The following EFCAB11 variants were observed in gnomAD, a reference collection of about 807,000 sequenced individuals.
EFCAB11 encodes the protein EF-hand calcium-binding domain-containing protein 11.
In EFCAB11, 14 loss-of-function variants were observed where a neutral mutation model predicts 23.0. The ratio of observed to expected loss-of-function variants is 0.61; its 90% CI spans 0.40 to 0.95. The LOEUF (loss-of-function observed/expected upper bound fraction) is 0.95. EFCAB11 is among the 40% of genes least tolerant of loss of function. The probability of loss-of-function intolerance (pLI) is 0.00; values close to 1 mark genes in which losing one functional copy is unlikely to be tolerated. For synonymous variants in EFCAB11, 65 were observed against 66.6 expected (o/e 0.98, Z 0.11); for missense variants, 198 against 195.8 (o/e 1.01, Z -0.07).
At chr14:89,853,953 G>A (rs1243635037) in intron 5 of EFCAB11, among the ~76,000 whole-genome samples, 2 of 152,040 alleles carry the variant, frequency 1.3e-5, no homozygotes, top group African/African-American at 4.8e-5. Context: ...ATGAAAAAAT[G>A]GAAAGTTTAT....
In EFCAB11 at chr14:89,954,666, C is replaced by T. The variant is rs749012104; in HGVS notation, c.-6G>A. ...CTGGCCTCGGAGAAGAACATCGCGA[C>T]TACAACAACCGAGCCCCAGCAACCC... On this transcript the variant is annotated 5_prime_UTR_variant, in exon 1 of 6. Transcript: ENST00000316738. 1 of 1,610,324 alleles carries T rather than the reference C, an allele frequency of 6.2e-7. No individual in the cohort carries two copies. Among genetic ancestry groups the T allele is most frequent in the African/African-American group, 1.3e-5 (1 of 74,840 alleles).
intron 5 of EFCAB11, among the ~76,000 whole-genome samples, chr14:89,898,094 T>G (rs1889223061): frequency 1.3e-5 from 2 of 152,168 alleles, no homozygotes; most frequent in Non-Finnish European, 2.9e-5. Context: ...AATAACATTA[T>G]TATTCTATAA....
rs533415896 is a variant in EFCAB11 at position 89,868,345 on chromosome 14, T to C, written c.410+63196A>G. Among the ~76,000 whole-genome samples the C allele has an allele frequency of 2.4e-4, 36 of 152,360 alleles. No individual in the cohort carries two copies. The Middle Eastern group carries it at 0.01, about 43-fold the overall frequency. On this transcript the variant is annotated intron_variant, in intron 5 of 5. Coordinates refer to ENST00000316738, the MANE Select transcript of EFCAB11 (RefSeq NM_145231.4). ...TGGTTTGCACTTCAAATTATGTATA[T>C]TTAAACCACTATTACGTACAGGACT...
chr14:89,850,129 C>A (rs976001568), intron 5 of EFCAB11, among the ~76,000 whole-genome samples: 23 of 152,308 alleles, frequency 1.5e-4, no homozygotes, highest in Non-Finnish European at 4.4e-5. Flanking sequence ...CTCTCTGCTG[C>A]AGTGATGCAA....
chr14:89,836,589 T>G (rs1887088931), intron 5 of EFCAB11: 1 of 456,558 alleles, frequency 2.2e-6, no homozygotes, highest in South Asian at 1.5e-5. Context: ...CCATAGATGT[T>G]CCACATGAAC....
At position 89,813,696 on chromosome 14, in the gene EFCAB11, A is replaced by C. The variant is rs1243968143; in HGVS notation, c.411-16372T>G. Among the ~76,000 whole-genome samples the C allele has an allele frequency of 4.8e-5, 7 of 146,308 alleles. No homozygotes were observed. The Admixed American group carries it at 4.9e-4, about 10-fold the overall frequency. ...TAAAATGCCTATGTGCTCAGCACAC[A>C]ACCACTTCTCTATTTTGTGAGTTTC... On this transcript the variant is annotated intron_variant, in intron 5 of 5. Transcript: ENST00000316738.
chr14:89,901,459 T>C (rs1174134219), intron 5 of EFCAB11, among the ~76,000 whole-genome samples: 2 of 152,214 alleles, frequency 1.3e-5, no homozygotes, highest in East Asian at 3.8e-4. Context: ...CATTCATCTG[T>C]AAAATGGCCC....
At chr14:89,950,051 A>T in intron 3 of EFCAB11, 46 bp downstream of exon 3, 1 of 1,486,242 alleles carries the variant, frequency 6.7e-7, no homozygotes, top group Non-Finnish European at 9.1e-7. Context: ...AAGCCATCTC[A>T]GTGTCTAAAT....
intron 5 of EFCAB11, among the ~76,000 whole-genome samples, chr14:89,920,053 C>T (rs1889973769): frequency 6.6e-6 from 1 of 152,198 alleles, no homozygotes; most frequent in Non-Finnish European, 1.5e-5. Flanking sequence ...TAAAACTCCT[C>T]TCAGCAATTT....
At chr14:89,891,946 C>T (rs1312152343) in intron 5 of EFCAB11, among the ~76,000 whole-genome samples, 1 of 151,996 alleles carries the variant, frequency 6.6e-6, no homozygotes, top group Non-Finnish European at 1.5e-5. Flanking sequence ...AGTGCTACCG[C>T]CGCGCGCTGC....
chr14:89,903,351 T>C (rs577720607), intron 5 of EFCAB11, among the ~76,000 whole-genome samples: 295 of 152,322 alleles, frequency 1.9e-3, no homozygotes, highest in Non-Finnish European at 3.3e-3. Context: ...AATATTCCAC[T>C]TTCATAAAGC....
chr14:89,901,811 T>C (rs1389567019), intron 5 of EFCAB11, among the ~76,000 whole-genome samples: 2 of 152,194 alleles, frequency 1.3e-5, no homozygotes, highest in East Asian at 1.9e-4. Context: ...ATCCAGAATC[T>C]GAAATCTGAA....
chr14:89,931,415 T>G lies in EFCAB11; in HGVS notation c.410+126A>C, dbSNP rs377614077. 78 of 857,926 alleles carry G rather than the reference T, an allele frequency of 9.1e-5. No individual in the cohort carries two copies. The African/African-American group carries it at 1.0e-3, about 11-fold the overall frequency. The allele number at this position is 857,926 out of a possible 1,614,324, so 53.1% of individuals were successfully genotyped here. A position where few individuals can be genotyped will look rare whatever the true frequency, so the allele number is the denominator to read the frequency against. On this transcript the variant is annotated intron_variant, in intron 5 of 5. Transcript: ENST00000316738. ...ATTTCCCTCCTGGACCATGACACTA[T>G]GCTGCAAGAGAAAAATGTTCCAGAC... is the stretch of plus-strand genomic sequence containing the variant.
At chr14:89,945,068 A>G (rs1301781605) in intron 3 of EFCAB11, among the ~76,000 whole-genome samples, 2 of 150,494 alleles carry the variant, frequency 1.3e-5, no homozygotes, top group Non-Finnish European at 3.0e-5. Flanking sequence ...ATCTAATAAA[A>G]TATTAGATTT....
intron 5 of EFCAB11, among the ~76,000 whole-genome samples, chr14:89,865,725 C>T (rs2183524): frequency 0.053 from 8,003 of 152,074 alleles, 354 homozygotes; most frequent in African/African-American, 0.11. Context: ...AGTGCAGTGG[C>T]GCGATCTCAG....
At chr14:89,935,392 T>C (rs923141928) in intron 3 of EFCAB11, among the ~76,000 whole-genome samples, 1 of 134,358 alleles carries the variant, frequency 7.4e-6, no homozygotes, top group African/African-American at 2.9e-5. Context: ...TTAAAATGCA[T>C]GTGGGTTTTT....
chr14:89,835,585 C>CATGTGTGTGTGT (rs1166785662), intron 5 of EFCAB11, among the ~76,000 whole-genome samples: 1 of 93,344 alleles, frequency 1.1e-5, no homozygotes, highest in African/African-American at 4.6e-5. Context: ...GGATGCTCAA[C>CATGTGTGTGTGT]GTGTGTGTGT....
rs34339124 is a variant in EFCAB11, at chr14:89,929,030, C to CAT, written c.410+2509_410+2510dup. 2.0e-3 allele frequency among the ~76,000 whole-genome samples: 243 copies of CAT among 121,306 alleles called. 2 individuals carry two copies. Among genetic ancestry groups the CAT allele is most frequent in the Admixed American group, 8.7e-3 (93 of 10,674 alleles). 79.6% of individuals were successfully genotyped at this position (121,306 alleles called of 152,430 possible). A position where few individuals can be genotyped will look rare whatever the true frequency, so the allele number is the denominator to read the frequency against. ...GGAAAGATGGACATATAAATACATA[C>CAT]ATATATATATATATACACACACACA... On this transcript the variant is annotated intron_variant, in intron 5 of 5. Coordinates refer to ENST00000316738, the MANE Select transcript of EFCAB11 (RefSeq NM_145231.4).
intron 5 of EFCAB11, among the ~76,000 whole-genome samples, chr14:89,864,365 T>C (rs1271594701): frequency 1.3e-5 from 2 of 152,206 alleles, no homozygotes; most frequent in Non-Finnish European, 2.9e-5. Context: ...TCCTCTCCCA[T>C]CTGTTTGCTG....
Sources: allele counts gnomAD v4.1 joint callset (sites outside exome capture counted in the v4.1 genomes callset), GRCh38; gene constraint gnomAD v4.1.1; transcripts MANE v1.5; gene names NCBI Gene and HGNC (gene_info 2026-07-23, HGNC 2026-07-21).